The following CTNNA3 variants were observed in gnomAD, a reference collection of about 807,000 sequenced individuals.
The protein encoded by CTNNA3 is catenin alpha-3.
CTNNA3 carries 76 observed loss-of-function variants against 95.7 expected under a neutral mutation model. That is an observed-to-expected ratio of 0.79 (90% CI 0.66 to 0.96). CTNNA3 has a LOEUF of 0.96. CTNNA3 is among the 40% of genes least tolerant of loss of function. The pLI, the probability that CTNNA3 is intolerant of heterozygous loss-of-function variation, is 0.00. For missense variants in CTNNA3, 1,191 were observed against 1,089.8 expected (o/e 1.09, Z -1.31); for synonymous variants, 431 against 374.4 (o/e 1.15, Z -1.74).
At chr10:65,989,064 C>A (rs1243565265) in intron 15 of CTNNA3, among the ~76,000 whole-genome samples, 1 of 152,066 alleles carries the variant, frequency 6.6e-6, no homozygotes, top group Non-Finnish European at 1.5e-5. Context: ...TCTTAGCCCC[C>A]CGAAGAGCTG....
intron 5 of CTNNA3, among the ~76,000 whole-genome samples, chr10:67,388,942 G>C (rs911705624): frequency 2.0e-5 from 3 of 151,854 alleles, no homozygotes; most frequent in Admixed American, 2.0e-4. Context: ...ACCAGTACCA[G>C]CCGCTGCAAA....
At chr10:66,474,774 G>C (rs1383101416) in intron 11 of CTNNA3, among the ~76,000 whole-genome samples, 2 of 151,986 alleles carry the variant, frequency 1.3e-5, no homozygotes, top group African/African-American at 4.8e-5. Flanking sequence ...AGTTTTGACT[G>C]AATTTCCCTG....
chr10:67,579,739 C>T lies in CTNNA3; in HGVS notation c.292+27118G>A, dbSNP rs537744766. ...TGTTGTTTCCTGACTTTTTAATGAT[C>T]ACCATTCTAACTGGTGTGAGATGGT... On this transcript the variant is annotated intron_variant, in intron 3 of 17. Coordinates refer to ENST00000433211, the MANE Select transcript of CTNNA3 (RefSeq NM_013266.4). 8.6e-3 allele frequency among the ~76,000 whole-genome samples: 1,303 copies of T among 152,116 alleles called. 16 individuals carry two copies. Among genetic ancestry groups the T allele is most frequent in the African/African-American group, 0.026 (1,060 of 41,524 alleles).
intron 7 of CTNNA3, among the ~76,000 whole-genome samples, chr10:67,085,465 C>G (rs1857253108): frequency 6.6e-6 from 1 of 151,762 alleles, no homozygotes; most frequent in African/African-American, 2.4e-5. Flanking sequence ...CCACATCACC[C>G]TCCAATATTA....
At chr10:67,192,596 C>T (rs1461827884) in intron 6 of CTNNA3, among the ~76,000 whole-genome samples, 3 of 151,610 alleles carry the variant, frequency 2.0e-5, no homozygotes, top group Non-Finnish European at 4.4e-5. Flanking sequence ...ATTAAAAAGA[C>T]AAGAGATAAT....
chr10:67,555,087 G>A (rs958293666), intron 3 of CTNNA3, among the ~76,000 whole-genome samples: 10 of 152,146 alleles, frequency 6.6e-5, no homozygotes, highest in Non-Finnish European at 1.3e-4. Flanking sequence ...TTATTTCTGA[G>A]GGCTCTGTTC....
intron 6 of CTNNA3, among the ~76,000 whole-genome samples, chr10:67,218,434 A>G (rs914179035): frequency 3.3e-5 from 5 of 152,168 alleles, no homozygotes; most frequent in African/African-American, 1.2e-4. Flanking sequence ...TCTGCCTGAC[A>G]AGGTACACTC....
intron 1 of CTNNA3, 88 bp from the exon 2 acceptor site, chr10:67,647,606 T>C (rs1298005782): frequency 9.7e-7 from 1 of 1,028,782 alleles, no homozygotes; most frequent in Admixed American, 1.9e-5. Flanking sequence ...TAGGTAAAAC[T>C]TGTATTCAGC....
intron 7 of CTNNA3, among the ~76,000 whole-genome samples, chr10:66,800,657 C>T (rs1841394460): frequency 6.6e-6 from 1 of 151,036 alleles, no homozygotes; most frequent in Non-Finnish European, 1.5e-5. Context: ...ACAATTTTCT[C>T]ATTAAAAAGT....
At chr10:67,029,774 T>A (rs2133104953) in intron 7 of CTNNA3, among the ~76,000 whole-genome samples, 1 of 152,334 alleles carries the variant, frequency 6.6e-6, no homozygotes, top group Non-Finnish European at 1.5e-5. Context: ...ACCTGTGATG[T>A]CCAATAGGGT....
rs180922319 is a variant in CTNNA3, at chr10:66,316,956, C to A, written c.1733-36335G>T. On this transcript the variant is annotated intron_variant, in intron 12 of 17. Coordinates refer to ENST00000433211, the MANE Select transcript of CTNNA3 (RefSeq NM_013266.4). ...CGTTTACTTAAAAAGAATTGAATAG[C>A]AGACTAATTAGTGATCTTAAAAGCA... Among the ~76,000 whole-genome samples, 464 of 152,084 alleles carry A rather than the reference C, an allele frequency of 3.1e-3. 1 individual carries two copies. Among genetic ancestry groups the A allele is most frequent in the Non-Finnish European group, 4.9e-3 (331 of 67,924 alleles).
At chr10:66,813,664 T>C (rs1841967878) in intron 7 of CTNNA3, among the ~76,000 whole-genome samples, 1 of 152,192 alleles carries the variant, frequency 6.6e-6, no homozygotes, top group Non-Finnish European at 1.5e-5. Context: ...GAATGAATTT[T>C]TCTAGAAAAT....
intron 6 of CTNNA3, among the ~76,000 whole-genome samples, chr10:67,211,512 A>G (rs1052519095): frequency 3.3e-5 from 5 of 152,202 alleles, no homozygotes; most frequent in Admixed American, 3.3e-4. Flanking sequence ...TAGATGCATT[A>G]AAACCTCACA....
intron 11 of CTNNA3, among the ~76,000 whole-genome samples, chr10:66,395,448 C>T (rs952048742): frequency 7.9e-5 from 12 of 151,994 alleles, no homozygotes; most frequent in Non-Finnish European, 1.8e-4. Context: ...CTGTATCACC[C>T]TGATTGTTTT....
At chr10:66,432,276 A>C (rs953243927) in intron 11 of CTNNA3, among the ~76,000 whole-genome samples, 1 of 152,192 alleles carries the variant, frequency 6.6e-6, no homozygotes, top group Non-Finnish European at 1.5e-5. Context: ...GCCACAATTA[A>C]ATTGCAACAT....
At chr10:66,802,278 A>T (rs899061146) in intron 7 of CTNNA3, among the ~76,000 whole-genome samples, 2 of 151,926 alleles carry the variant, frequency 1.3e-5, no homozygotes, top group African/African-American at 4.8e-5. Flanking sequence ...GAGAAATATT[A>T]TTCACAATGC....
chr10:65,923,608 C>G (rs2077122397), intron 17 of CTNNA3, among the ~76,000 whole-genome samples: 1 of 152,162 alleles, frequency 6.6e-6, no homozygotes, highest in Non-Finnish European at 1.5e-5. Flanking sequence ...TGTTGCATCT[C>G]CAAATTGAAA....
At chr10:66,452,250 T>C (rs1261885540) in intron 11 of CTNNA3, among the ~76,000 whole-genome samples, 1 of 152,196 alleles carries the variant, frequency 6.6e-6, no homozygotes, top group Admixed American at 6.5e-5. Flanking sequence ...TTTATATTAT[T>C]TCGTGTACTG....
At chr10:66,969,852 T>C (rs1361008129) in intron 7 of CTNNA3, among the ~76,000 whole-genome samples, 1 of 152,146 alleles carries the variant, frequency 6.6e-6, no homozygotes, top group South Asian at 2.1e-4. Flanking sequence ...ACCCTCTATA[T>C]TTCCACAACA....
Sources: gnomAD v4.1 joint callset for allele counts (sites outside exome capture counted in the v4.1 genomes callset) on GRCh38, gnomAD v4.1.1 for gene constraint, MANE v1.5 for transcripts, NCBI Gene and HGNC (gene_info 2026-07-23, HGNC 2026-07-21) for gene names.